MCF2L: variants seen among roughly 807,000 people sequenced by gnomAD.
MCF2L encodes MCF.2 cell line derived transforming sequence like, also known as guanine nucleotide exchange factor DBS.
MCF2L carries 97 observed loss-of-function variants against 153.4 expected under a neutral mutation model. The ratio of observed to expected loss-of-function variants is 0.63; its 90% confidence interval spans 0.54 to 0.75. The LOEUF (loss-of-function observed/expected upper bound fraction) is 0.75. MCF2L is among the 30% of genes least tolerant of loss of function. The pLI is 0.00. For synonymous variants in MCF2L, 659 were observed against 632.2 expected (o/e 1.04, Z -0.64); for missense variants, 1,347 against 1,495.2 (o/e 0.90, Z 1.64).
At chr13:112,898,610 C>T (rs941113440) in intron 1 of MCF2L, among the ~76,000 whole-genome samples, 77 of 152,252 alleles carry the variant, frequency 5.1e-4, no homozygotes, top group African/African-American at 1.9e-3. Flanking sequence ...CGGTGGTACT[C>T]CCACCCCTGG....
chr13:112,902,771 G>C (rs1166866059), intron 2 of MCF2L, among the ~76,000 whole-genome samples: 2 of 152,206 alleles, frequency 1.3e-5, no homozygotes, highest in Non-Finnish European at 2.9e-5. Context: ...GTCTGAATTT[G>C]TATGTTTTCA....
intron 1 of MCF2L, chr13:113,001,964 G>A: frequency 6.3e-7 from 1 of 1,590,768 alleles, no homozygotes. Flanking sequence ...CGCTGTGGCT[G>A]CTGCTGAAGG....
chr13:113,032,858 C>G (rs774123972), intron 3 of MCF2L, among the ~76,000 whole-genome samples: 1 of 152,238 alleles, frequency 6.6e-6, no homozygotes, highest in Non-Finnish European at 1.5e-5. Context: ...TGTGAGCCAT[C>G]GTGCCCGCCT....
At chr13:112,899,392 AG>A (rs1450842378) in intron 1 of MCF2L, among the ~76,000 whole-genome samples, 1 of 152,116 alleles carries the variant, frequency 6.6e-6, no homozygotes, top group Non-Finnish European at 1.5e-5. Flanking sequence ...CCTTGTGGTC[AG>A]GCCGGTCTTG....
chr13:113,045,428 C>G lies in MCF2L; in HGVS notation c.369+67C>G. On this transcript the variant is annotated intron_variant, in intron 4 of 29. Transcript: ENST00000535094. This position sits in a 1 kb window ranked among gnomAD's most constrained non-coding sequence, Gnocchi z 4.2. ...CTGGGCTGCATGACCGCATGGTGCC[C>G]TTCCTCTGTGTCTGCCGCAGTTCCT... 1 of 1,314,962 alleles carries G rather than the reference C, an allele frequency of 7.6e-7. No homozygotes were observed. The highest frequency in any genetic ancestry group is 1.2e-5 in the South Asian group (1 of 84,112). The allele number at this position is 1,314,962 out of a possible 1,614,324, so 81.5% of individuals were successfully genotyped here.
intron 2 of MCF2L, among the ~76,000 whole-genome samples, chr13:112,913,157 C>G (rs2081253047): frequency 7.5e-6 from 1 of 133,084 alleles, no homozygotes; most frequent in African/African-American, 2.9e-5. Context: ...ATTTCTGTGT[C>G]TGTATGTATG....
At chr13:112,987,194 G>A (rs557724857) in intron 1 of MCF2L, among the ~76,000 whole-genome samples, 12 of 152,308 alleles carry the variant, frequency 7.9e-5, no homozygotes, top group African/African-American at 2.6e-4. Flanking sequence ...TCTGCAGCTT[G>A]TTCAGGTTCA....
At chr13:112,945,001 A>ATT (rs10690779) in intron 2 of MCF2L, among the ~76,000 whole-genome samples, 1,887 of 139,340 alleles carry the variant, frequency 0.014, 37 homozygotes, top group African/African-American at 0.025. Flanking sequence ...AGGCACCACT[A>ATT]TTTTTTTTTT....
At chr13:113,007,885 T>C (rs370687304) in intron 1 of MCF2L, among the ~76,000 whole-genome samples, 2 of 120,316 alleles carry the variant, frequency 1.7e-5, no homozygotes, top group African/African-American at 5.6e-5. Context: ...TGTGCTTAAA[T>C]GGGTTTTTAG....
At chr13:112,997,900 C>T (rs886630312) in intron 1 of MCF2L, among the ~76,000 whole-genome samples, 4 of 152,268 alleles carry the variant, frequency 2.6e-5, no homozygotes, top group Non-Finnish European at 5.9e-5. Context: ...GGAGCACCTT[C>T]CTGTTTAACT....
At chr13:113,058,232 GT>G in intron 4 of MCF2L, among the ~76,000 whole-genome samples, 1 of 149,636 alleles carries the variant, frequency 6.7e-6, no homozygotes, top group East Asian at 2.0e-4. Context: ...GGCGCTGAGT[GT>G]TTGGGTGCTG....
Position 112,960,196 on chromosome 13 carries a change from C to T in MCF2L, c.170-54567C>T, listed in dbSNP as rs2081807537. On this transcript the variant is annotated intron_variant, in intron 2 of 29. Coordinates refer to the MCF2L transcript ENST00000375608. This position sits in a 1 kb window ranked among gnomAD's most constrained non-coding sequence, Gnocchi z 4.2. ...CTCATGGTCCTGGAGGCTTGGAAGC[C>T]CAAGATTGAGGGGCTGCATCTGGTG... is the stretch of plus-strand genomic sequence containing the variant. Among the ~76,000 whole-genome samples the T allele has an allele frequency of 6.6e-6, 1 of 152,172 alleles. No individual in the cohort carries two copies. The highest frequency in any genetic ancestry group is 2.1e-4 in the South Asian group (1 of 4,832).
chr13:113,083,903 G>C (rs567420046), intron 17 of MCF2L, 95 bp from the exon 18 acceptor site: 4 of 919,168 alleles, frequency 4.4e-6, no homozygotes, highest in Non-Finnish European at 7.3e-6. Context: ...AGAGCAAGGC[G>C]TAACAGGCTT....
intron 2 of MCF2L, among the ~76,000 whole-genome samples, chr13:112,950,152 A>AC (rs1555353408): frequency 2.1e-5 from 2 of 93,670 alleles, no homozygotes; most frequent in African/African-American, 8.0e-5. Flanking sequence ...ATTTAAAATT[A>AC]CAAAAAAAAA....
intron 2 of MCF2L, among the ~76,000 whole-genome samples, chr13:112,912,347 G>T (rs956071983): frequency 2.0e-5 from 3 of 151,236 alleles, no homozygotes; most frequent in East Asian, 1.9e-4. Flanking sequence ...ATAGAGCCTC[G>T]CTCTGTCACC....
chr13:112,987,349 CT>C (rs2082691615), intron 1 of MCF2L, among the ~76,000 whole-genome samples: 1 of 152,260 alleles, frequency 6.6e-6, no homozygotes, highest in African/African-American at 2.4e-5. Flanking sequence ...TGTCTGCCCC[CT>C]GATCCACCCA....
At chr13:112,963,007 G>A (rs1447865135) in intron 2 of MCF2L, among the ~76,000 whole-genome samples, 1 of 152,170 alleles carries the variant, frequency 6.6e-6, no homozygotes, top group Non-Finnish European at 1.5e-5. Context: ...GAAGGGGTGG[G>A]TCCCGTGGGT....
In MCF2L at chr13:113,070,605, C is replaced by G. The variant is rs1339570647; in HGVS notation, c.996+432C>G. 6.6e-6 allele frequency among the ~76,000 whole-genome samples: 1 copy of G among 152,202 alleles called. No homozygotes were observed. Among genetic ancestry groups the G allele is most frequent in the Non-Finnish European group, 1.5e-5 (1 of 68,038 alleles). ...ACCCAGACGTCTCCCTCCTGCGGCC[C>G]TTCGTGGACTCACCCATGTCCCTCC... On this transcript the variant is annotated intron_variant, in intron 9 of 29. Coordinates refer to ENST00000535094, the MANE Select transcript of MCF2L (RefSeq NM_001112732.3). This position sits in a 1 kb window ranked among gnomAD's most constrained non-coding sequence, Gnocchi z 5.6.
chr13:113,091,778 G>C (rs551212770), intron 26 of MCF2L, among the ~76,000 whole-genome samples: 1 of 152,136 alleles, frequency 6.6e-6, no homozygotes, highest in South Asian at 2.1e-4. Context: ...GCCCTGTGAA[G>C]CCCAGAGACC....
Sources: allele counts gnomAD v4.1 joint callset (sites outside exome capture counted in the v4.1 genomes callset), GRCh38; gene constraint gnomAD v4.1.1; non-coding constraint Gnocchi (gnomAD v3.1); transcripts MANE v1.5; gene names NCBI Gene and HGNC (gene_info 2026-07-23, HGNC 2026-07-21).